Variants in AKAP9 observed in about 807,000 individuals in gnomAD.
AKAP9 encodes the protein A-kinase anchor protein 9.
AKAP9 carries 311 observed loss-of-function variants against 488.5 expected under a neutral mutation model. That is an observed-to-expected ratio of 0.64 (90% CI 0.58 to 0.70). The LOEUF (loss-of-function observed/expected upper bound fraction) is 0.70. Among genes scored for constraint, AKAP9 ranks in the 30% least tolerant of loss-of-function variants. The pLI is 0.00. For missense variants in AKAP9, 4,215 were observed against 4,374.5 expected (o/e 0.96, Z 1.03); for synonymous variants, 1,462 against 1,483.5 (o/e 0.99, Z 0.33).
intron 16 of AKAP9, among the ~76,000 whole-genome samples, chr7:92,035,784 G>A (rs529765471): frequency 5.9e-4 from 90 of 152,206 alleles, no homozygotes; most frequent in Non-Finnish European, 1.1e-3. Flanking sequence ...AGAGTTTTTA[G>A]GTAATCAGTG....
At chr7:92,049,984 G>A (rs36120033) in intron 21 of AKAP9, among the ~76,000 whole-genome samples, 63,013 of 151,272 alleles carry the variant, frequency 0.42, 13,542 homozygotes, top group African/African-American at 0.52. Flanking sequence ...ACATTAGACT[G>A]TCTTCATACT....
At chr7:92,040,102 A>G (rs1211560502) in intron 17 of AKAP9, among the ~76,000 whole-genome samples, 1 of 152,238 alleles carries the variant, frequency 6.6e-6, no homozygotes, top group African/African-American at 2.4e-5. Context: ...TTCCTCCAGG[A>G]AATGATGTAC....
At chr7:91,975,010 C>T (rs1270976429) in intron 2 of AKAP9, among the ~76,000 whole-genome samples, 2 of 151,814 alleles carry the variant, frequency 1.3e-5, no homozygotes, top group East Asian at 1.9e-4. Flanking sequence ...GCTACCACAC[C>T]TGGTTAATGT....
rs781601904 is a variant in AKAP9 at position 92,107,274 on chromosome 7, A to G, written c.11417-19A>G. On this transcript the variant is annotated intron_variant, in intron 47 of 49. Transcript: ENST00000356239. Reference sequence around the variant, plus strand: ...GGGATTTTATTTTTCTTTACAAGGAATATTTTGGGTTACTTTAGGTGCAGA... The same window carrying G: ...GGGATTTTATTTTTCTTTACAAGGAGTATTTTGGGTTACTTTAGGTGCAGA... The G allele has an allele frequency of 7.4e-6, 12 of 1,613,310 alleles. No individual in the cohort carries two copies. Among genetic ancestry groups the G allele is most frequent in the Admixed American group, 3.3e-5 (2 of 59,964 alleles).
chr7:91,945,405 G>T (rs1274863414), intron 1 of AKAP9, among the ~76,000 whole-genome samples: 1 of 152,176 alleles, frequency 6.6e-6, no homozygotes, highest in Non-Finnish European at 1.5e-5. Flanking sequence ...TACTGGGGAG[G>T]TGGAGGCAGG....
chr7:92,026,492 G>A (rs1278702158), intron 14 of AKAP9, among the ~76,000 whole-genome samples: 1 of 152,188 alleles, frequency 6.6e-6, no homozygotes, highest in Admixed American at 6.5e-5. Context: ...GCGCCGCCAC[G>A]CCTGACTGGT....
chr7:92,099,689 C>T lies in AKAP9; in HGVS notation c.10716C>T (p.Pro3572=), dbSNP rs1207411933. 8 of 1,613,920 alleles carry T rather than the reference C, an allele frequency of 5.0e-6. No homozygotes were observed. Among genetic ancestry groups the T allele is most frequent in the Non-Finnish European group, 6.8e-6 (8 of 1,179,906 alleles). The part of the protein sequence containing the change: ...QKLTGQQGEE[P]SLVSPSTSCG... The stretch of plus-strand genomic sequence containing the variant: ...CTTACACCATTTTATTTTTCCAGCC[C>T]AGCTTGGTGTCCCCAAGTACTTCTT... The change falls in exon 44 of 50, where the codon CCC becomes CCT. Residue 3572 remains proline (P), a splice_region_variant and synonymous_variant. Coordinates refer to ENST00000356239, the MANE Select transcript of AKAP9 (RefSeq NM_005751.5).
At chr7:92,040,223 G>A (rs1437091669) in intron 17 of AKAP9, among the ~76,000 whole-genome samples, 1 of 152,174 alleles carries the variant, frequency 6.6e-6, no homozygotes, top group Non-Finnish European at 1.5e-5. Context: ...GTAGTTCTCT[G>A]TAGTACTGTG....
chr7:92,041,710 A>G (rs1344401195), intron 18 of AKAP9: 5 of 232,510 alleles, frequency 2.2e-5, no homozygotes. Flanking sequence ...ATAATAAGAT[A>G]ATTGGGAGCT....
At chr7:92,061,616 AT>A (rs1809849206) in intron 23 of AKAP9, among the ~76,000 whole-genome samples, 194 bp downstream of exon 23, 1 of 131,832 alleles carries the variant, frequency 7.6e-6, no homozygotes, top group Non-Finnish European at 1.6e-5. Context: ...ATATATATAT[AT>A]ATAAAATTAT....
intron 37 of AKAP9, among the ~76,000 whole-genome samples, chr7:92,087,781 G>A (rs1308293307): frequency 6.6e-6 from 1 of 151,404 alleles, no homozygotes; most frequent in Non-Finnish European, 1.5e-5. Context: ...AGCTCCAATT[G>A]ACCAAATTCT....
At chr7:92,064,291 G>C (rs1478553997) in intron 24 of AKAP9, among the ~76,000 whole-genome samples, 1 of 151,644 alleles carries the variant, frequency 6.6e-6, no homozygotes, top group Admixed American at 6.6e-5. Flanking sequence ...GAGATTCCTA[G>C]TCCTGAGTAC....
intron 1 of AKAP9, among the ~76,000 whole-genome samples, chr7:91,957,008 A>G (rs189635536): frequency 2.0e-5 from 3 of 152,150 alleles, no homozygotes; most frequent in Non-Finnish European, 4.4e-5. Context: ...TTTAAAGGGT[A>G]TATGTTTTTA....
rs1801196808 is a variant in AKAP9 at position 92,014,278 on chromosome 7, A to G, written c.3562A>G (p.Ile1188Val). Residue 1188 changes from isoleucine to valine, a missense_variant, in exon 10 of 50, where the codon ATT (isoleucine) becomes GTT (valine). By Grantham distance (29) the Ile-to-Val change is conservative. This residue lies in a region of AKAP9 where 2,361 missense variants were observed against 2,430.0 expected (regional missense o/e 0.97). Transcript: ENST00000356239. ...TGAAGGAAAGCCTTTACATCTGCTCATTGGAAAACTTCAAAAGGCAGTGTC... is the reference window on the plus strand; with the variant it reads ...TGAAGGAAAGCCTTTACATCTGCTCGTTGGAAAACTTCAAAAGGCAGTGTC... ...GDEGKPLHLLIGKLQKAVSEE... is the reference protein window; with the variant it reads ...GDEGKPLHLLVGKLQKAVSEE... The G allele has an allele frequency of 2.5e-6, 4 of 1,613,440 alleles. No homozygotes were observed. The highest frequency in any genetic ancestry group is 3.4e-6 in the Non-Finnish European group (4 of 1,179,478).
chr7:92,067,797 G>T (rs919674104), intron 26 of AKAP9, among the ~76,000 whole-genome samples: 9 of 152,120 alleles, frequency 5.9e-5, no homozygotes, highest in Non-Finnish European at 8.8e-5. Flanking sequence ...CATTTACTAG[G>T]TTATGACAAT....
At chr7:92,033,803 A>G (rs559189983) in intron 16 of AKAP9, among the ~76,000 whole-genome samples, 1 of 152,316 alleles carries the variant, frequency 6.6e-6, no homozygotes, top group East Asian at 1.9e-4. Context: ...TTTCCAGTAT[A>G]TATCATATTA....
intron 1 of AKAP9, among the ~76,000 whole-genome samples, chr7:91,968,181 C>A (rs779413793): frequency 8.5e-5 from 13 of 152,140 alleles, no homozygotes; most frequent in Non-Finnish European, 1.5e-5. Flanking sequence ...CAAGCTCAAG[C>A]AATCCACTTG....
rs535485944 is a variant in AKAP9, at chr7:92,110,000, G to GA, written c.11687-115dup. On this transcript the variant is annotated intron_variant, in intron 49 of 49. Transcript: ENST00000356239. ...TTAAGTATGAAGAGGACATTTTAAG[G>GA]AAAAAAAGGGCTTTAAAAAAATGGA... 1,795 of 773,122 alleles carry GA rather than the reference G, an allele frequency of 2.3e-3. 9 individuals are homozygous for GA. Among genetic ancestry groups the GA allele is most frequent in the Non-Finnish European group, 2.0e-3 (915 of 448,604 alleles). The allele number at this position is 773,122 out of a possible 1,614,324, so 47.9% of individuals were successfully genotyped here.
At chr7:91,963,764 C>T (rs990613888) in intron 1 of AKAP9, among the ~76,000 whole-genome samples, 7 of 152,118 alleles carry the variant, frequency 4.6e-5, no homozygotes, top group Non-Finnish European at 1.0e-4. Flanking sequence ...GTGATCCGCC[C>T]GCCTCAGCCT....
Sources: allele counts gnomAD v4.1 joint callset (sites outside exome capture counted in the v4.1 genomes callset), GRCh38; gene constraint gnomAD v4.1.1; regional missense constraint gnomAD v4.1.1; transcripts MANE v1.5; gene names NCBI Gene and HGNC (gene_info 2026-07-23, HGNC 2026-07-21).